ZPBP: variants seen among roughly 807,000 people sequenced by gnomAD.
The protein encoded by ZPBP is zona pellucida-binding protein 1.
Under a neutral mutation model 44.8 loss-of-function variants are expected in ZPBP, and 26 were observed. The ratio of observed to expected loss-of-function variants is 0.58; its 90% confidence interval spans 0.43 to 0.81. The LOEUF (loss-of-function observed/expected upper bound fraction) is 0.81, where lower values mean the gene tolerates loss of function less well. Ranked by LOEUF, ZPBP falls within the 30% of genes least tolerant of loss-of-function variation. The pLI, the probability that ZPBP is intolerant of heterozygous loss-of-function variation, is 0.00. For missense variants in ZPBP, 409 were observed against 434.0 expected, an observed-to-expected ratio of 0.94 and a Z score of 0.51; for synonymous variants, 174 against 153.2, an observed-to-expected ratio of 1.14 and a Z score of -1.00.
intron 2 of ZPBP, among the ~76,000 whole-genome samples, chr7:49,878,104 G>T (rs7809987): frequency 0.71 from 107,414 of 151,886 alleles, 38,463 homozygotes; most frequent in East Asian, 0.88. Context: ...TCCCCTTGAC[G>T]TAAATGTTAA....
chr7:50,040,832 G>A (rs1800051412), intron 4 of ZPBP, among the ~76,000 whole-genome samples: 1 of 152,062 alleles, frequency 6.6e-6, no homozygotes, highest in African/African-American at 2.4e-5. Context: ...TGGAAAGGGG[G>A]CTGAAACCAG....
At chr7:49,892,240 G>A in intron 2 of ZPBP, among the ~76,000 whole-genome samples, 1 of 151,408 alleles carries the variant, frequency 6.6e-6, no homozygotes. Flanking sequence ...TAGAGACGGG[G>A]TTTCACCGTG....
chr7:49,969,505 T>C (rs1437004218), intron 7 of ZPBP, among the ~76,000 whole-genome samples: 1 of 68,932 alleles, frequency 1.5e-5, no homozygotes, highest in Non-Finnish European at 3.2e-5. Context: ...TTCAATAGTA[T>C]GGTCAAAAAA....
intron 6 of ZPBP, among the ~76,000 whole-genome samples, chr7:49,987,771 T>C (rs1030073023): frequency 4.3e-4 from 56 of 129,804 alleles, no homozygotes; most frequent in Middle Eastern, 4.2e-3. Context: ...TGTGTGTGTG[T>C]GCAATGTCTA....
intron 3 of ZPBP, among the ~76,000 whole-genome samples, chr7:50,065,425 T>C (rs961179431): frequency 1.3e-5 from 2 of 150,952 alleles, no homozygotes; most frequent in African/African-American, 4.9e-5. Flanking sequence ...CGTTTCTCCG[T>C]AGAGTTTTGT....
chr7:49,846,339 C>T (rs572983411), downstream of ZPBP, among the ~76,000 whole-genome samples: 4 of 152,362 alleles, frequency 2.6e-5, no homozygotes, highest in African/African-American at 9.6e-5. Flanking sequence ...TTTACCTGCA[C>T]TTCTGTGATC....
At chr7:50,026,807 C>T (rs2128809660) in intron 5 of ZPBP, among the ~76,000 whole-genome samples, 1 of 152,030 alleles carries the variant, frequency 6.6e-6, no homozygotes, top group South Asian at 2.1e-4. Context: ...GACTCCCTTC[C>T]TAACTCTGAT....
chr7:49,943,011 A>G, intron 7 of ZPBP: 1 of 267,246 alleles, frequency 3.7e-6, no homozygotes, highest in Non-Finnish European at 7.3e-6. Context: ...ACGGATTAGG[A>G]GGGTGAAAGC....
intron 6 of ZPBP, among the ~76,000 whole-genome samples, chr7:50,007,405 C>A (rs1798357580): frequency 6.6e-6 from 1 of 151,942 alleles, no homozygotes. Flanking sequence ...AAAAAACTTT[C>A]CAACAAAGAA....
At chr7:49,919,053 TAA>T (rs34882788) in intron 1 of ZPBP, 2 of 143,320 alleles carry the variant, frequency 1.4e-5, no homozygotes, top group Non-Finnish European at 3.0e-5. Flanking sequence ...AGACTCTGTT[TAA>T]AAAAAAAAAA....
At chr7:49,846,257 C>T (rs1397132236), downstream of ZPBP, among the ~76,000 whole-genome samples, 3 of 152,096 alleles carry the variant, frequency 2.0e-5, no homozygotes, top group East Asian at 1.9e-4. Context: ...ACCTGCATGT[C>T]GCCACTTCCT....
chr7:49,985,478 A>G (rs1163092496), intron 6 of ZPBP, among the ~76,000 whole-genome samples: 1 of 152,162 alleles, frequency 6.6e-6, no homozygotes, highest in African/African-American at 2.4e-5. Context: ...GAAATCTAAA[A>G]TACTTCTGGT....
intron 7 of ZPBP, among the ~76,000 whole-genome samples, chr7:49,946,643 T>C (rs1795115645): frequency 6.6e-6 from 1 of 152,198 alleles, no homozygotes; most frequent in Non-Finnish European, 1.5e-5. Context: ...CCTTGACCTT[T>C]GGGAGGTTGA....
chr7:49,933,121 T>A (rs1310287473), downstream of ZPBP, among the ~76,000 whole-genome samples: 1 of 152,190 alleles, frequency 6.6e-6, no homozygotes, highest in African/African-American at 2.4e-5. Context: ...GATAAAATTA[T>A]GTTAATGAAG....
At chr7:49,879,686 C>T (rs1196786990) in intron 2 of ZPBP, among the ~76,000 whole-genome samples, 1 of 152,096 alleles carries the variant, frequency 6.6e-6, no homozygotes, top group Non-Finnish European at 1.5e-5. Flanking sequence ...TTAATCTCTC[C>T]ATCCTAGTAC....
chr7:49,861,797 T>C (rs530433334), intron 2 of ZPBP, among the ~76,000 whole-genome samples: 2 of 152,202 alleles, frequency 1.3e-5, no homozygotes, highest in South Asian at 4.1e-4. Context: ...CAAAAATCAG[T>C]TGGATGCAGA....
chr7:49,954,008 G>A (rs1052391723), intron 7 of ZPBP, among the ~76,000 whole-genome samples: 46 of 152,000 alleles, frequency 3.0e-4, no homozygotes, highest in African/African-American at 7.5e-4. Context: ...GAAAAAAATC[G>A]AAAAAGGAAA....
At chr7:49,873,985 A>G (rs1192794906) in intron 2 of ZPBP, among the ~76,000 whole-genome samples, 2 of 152,106 alleles carry the variant, frequency 1.3e-5, no homozygotes, top group African/African-American at 2.4e-5. Context: ...AAGAAAACCA[A>G]TGCATTATAT....
downstream of ZPBP, among the ~76,000 whole-genome samples, chr7:49,936,720 A>G (rs889222478): frequency 2.6e-5 from 4 of 152,228 alleles, no homozygotes; most frequent in East Asian, 1.9e-4. Flanking sequence ...ATAAATCCCA[A>G]TGTGAGACAA....
Sources: allele counts gnomAD v4.1 joint callset (sites outside exome capture counted in the v4.1 genomes callset), GRCh38; gene constraint gnomAD v4.1.1; transcripts MANE v1.5; gene names NCBI Gene and HGNC (gene_info 2026-07-23, HGNC 2026-07-21).